Variants in VRK2 observed in about 807,000 individuals in gnomAD.
VRK2 encodes VRK serine/threonine kinase 2.
Under a neutral mutation model 57.6 loss-of-function variants are expected in VRK2, and 60 were observed. The observed-to-expected ratio is 1.04, with a 90% CI of 0.85 to 1.29. The LOEUF (loss-of-function observed/expected upper bound fraction) is 1.29. Ranked by LOEUF, VRK2 falls within the 50% of genes most tolerant of loss-of-function variation. VRK2 has a pLI of 0.00. For missense variants in VRK2, 705 were observed against 588.1 expected (o/e 1.20, Z -2.06); for synonymous variants, 231 against 199.2 (o/e 1.16, Z -1.35).
chr2:58,113,090 C>T (rs1675814233), intron 7 of VRK2, among the ~76,000 whole-genome samples: 1 of 152,134 alleles, frequency 6.6e-6, no homozygotes, highest in African/African-American at 2.4e-5. Flanking sequence ...GGAGGCAGAT[C>T]ATGAGGTCAG....
At position 57,941,792 on chromosome 2, in the gene VRK2, C is replaced by T. The variant is rs80056496; in HGVS notation, c.-439+33953C>T. Among the ~76,000 whole-genome samples the T allele has an allele frequency of 1.4e-4, 21 of 152,346 alleles. No individual in the cohort carries two copies. In the East Asian group the frequency reaches 4.0e-3, roughly 29 times the overall value. ...TGCATAGGCTGCCATAGACAATAAA[C>T]ATTTCATTAGTGACACTTGAAATGT... On this transcript the variant is annotated intron_variant, in intron 1 of 15. Coordinates refer to the VRK2 transcript ENST00000417641.
intron 2 of VRK2, among the ~76,000 whole-genome samples, chr2:58,066,145 A>C (rs1292556472): frequency 6.6e-6 from 1 of 152,176 alleles, no homozygotes; most frequent in Non-Finnish European, 1.5e-5. Context: ...GATTTATTGA[A>C]TAGAAATAGC....
At chr2:57,975,586 TC>T (rs1358624566) in intron 1 of VRK2, among the ~76,000 whole-genome samples, 3 of 151,896 alleles carry the variant, frequency 2.0e-5, no homozygotes, top group South Asian at 2.1e-4. Context: ...CTTCTACTGA[TC>T]CCGTCACCCA....
rs116612207 is a variant in VRK2 at position 57,960,479 on chromosome 2, C to T, written c.-439+52640C>T. Among the ~76,000 whole-genome samples, 875 of 152,294 alleles carry T rather than the reference C, an allele frequency of 5.7e-3. 8 individuals are homozygous for T. Among genetic ancestry groups the T allele is most frequent in the African/African-American group, 0.02 (822 of 41,550 alleles). On this transcript the variant is annotated intron_variant, in intron 1 of 15. Coordinates refer to the VRK2 transcript ENST00000417641. Reference sequence around the variant, plus strand: ...TTGTGGCCACATGAATGGTCTGGTGCATTCACTTAAATTGATTGTATCTAC... The same window carrying T: ...TTGTGGCCACATGAATGGTCTGGTGTATTCACTTAAATTGATTGTATCTAC...
chr2:58,055,530 A>G (rs538548354), intron 2 of VRK2, among the ~76,000 whole-genome samples: 1 of 151,264 alleles, frequency 6.6e-6, no homozygotes, highest in East Asian at 2.0e-4. Context: ...TGAAGTTTCC[A>G]ATGAGAGTTA....
intron 1 of VRK2, among the ~76,000 whole-genome samples, chr2:57,923,259 T>C (rs1202810454): frequency 6.6e-6 from 1 of 152,022 alleles, no homozygotes; most frequent in Non-Finnish European, 1.5e-5. Context: ...TGCTGGATCA[T>C]ATGGTAGCTC....
chr2:58,122,468 G>A (rs1460013603), intron 7 of VRK2, among the ~76,000 whole-genome samples: 1 of 152,094 alleles, frequency 6.6e-6, no homozygotes, highest in Non-Finnish European at 1.5e-5. Flanking sequence ...CTAAAGAAAA[G>A]AAAATGTTAA....
At chr2:57,946,051 C>G (rs1256649368) in intron 1 of VRK2, among the ~76,000 whole-genome samples, 2 of 152,074 alleles carry the variant, frequency 1.3e-5, no homozygotes, top group Non-Finnish European at 2.9e-5. Flanking sequence ...CGAGTATTAT[C>G]TATATATTTT....
At chr2:58,129,996 GAAGTA>G (rs746046290) in intron 8 of VRK2, among the ~76,000 whole-genome samples, 2 of 152,174 alleles carry the variant, frequency 1.3e-5, no homozygotes, top group Non-Finnish European at 2.9e-5. Context: ...CTATAATAGT[GAAGTA>G]AAGTTAACTC....
chr2:58,041,849 G>A (rs1340444473), upstream of VRK2, among the ~76,000 whole-genome samples: 2 of 152,098 alleles, frequency 1.3e-5, no homozygotes, highest in East Asian at 1.9e-4. Flanking sequence ...CCTTTCTGCT[G>A]ATTCCAGGTC....
intron 1 of VRK2, among the ~76,000 whole-genome samples, chr2:57,912,151 C>G (rs1670004213): frequency 1.3e-5 from 2 of 152,206 alleles, no homozygotes; most frequent in Non-Finnish European, 2.9e-5. Flanking sequence ...CAGCTAGATT[C>G]TAACTTCTCA....
At chr2:57,938,613 C>G (rs1485760461) in intron 1 of VRK2, among the ~76,000 whole-genome samples, 1 of 152,072 alleles carries the variant, frequency 6.6e-6, no homozygotes, top group East Asian at 1.9e-4. Context: ...CTTTTTACTA[C>G]TAACTTTCAT....
At chr2:58,122,817 C>A (rs1677719836) in intron 7 of VRK2, among the ~76,000 whole-genome samples, 1 of 152,078 alleles carries the variant, frequency 6.6e-6, no homozygotes, top group Non-Finnish European at 1.5e-5. Context: ...TTTATGATGT[C>A]TAGATGCCCA....
rs1476014561 is a variant in VRK2, at chr2:58,139,818, CCAAA to C, written c.1012_1015del (p.Asn338ValfsTer21). 4 of 1,610,614 alleles carry C rather than the reference CCAAA, an allele frequency of 2.5e-6. No homozygotes were observed. Among genetic ancestry groups the C allele is most frequent in the Non-Finnish European group, 3.4e-6 (4 of 1,178,346 alleles). On this transcript the variant is annotated frameshift_variant, in exon 11 of 13. Coordinates refer to ENST00000340157, the MANE Select transcript of VRK2 (RefSeq NM_006296.7). LOFTEE classifies it high-confidence loss of function. The stretch of plus-strand genomic sequence containing the variant: ...AGGACAGAGTATAAATGTCCATACT[CCAAA>C]CAGTCAAAAAGTAAGTAACATAATC...
intron 1 of VRK2, among the ~76,000 whole-genome samples, chr2:57,919,140 T>C (rs573178647): frequency 1.1e-4 from 16 of 152,168 alleles, no homozygotes; most frequent in Admixed American, 7.2e-4. Flanking sequence ...CATGGAATCA[T>C]TGGATAATGG....
At chr2:58,014,992 AT>A (rs1489879422) in intron 1 of VRK2, among the ~76,000 whole-genome samples, 2 of 152,252 alleles carry the variant, frequency 1.3e-5, no homozygotes, top group East Asian at 3.9e-4. Flanking sequence ...GACCCTGAGA[AT>A]TTTAAGATAA....
At chr2:58,088,935 C>CA (rs1672005158) in intron 6 of VRK2, among the ~76,000 whole-genome samples, 1 of 152,108 alleles carries the variant, frequency 6.6e-6, no homozygotes, top group Admixed American at 6.5e-5. Flanking sequence ...CTCAGGCACA[C>CA]ATTTGTTTAT....
At chr2:58,137,166 CAT>C (rs1229582214) in intron 10 of VRK2, among the ~76,000 whole-genome samples, 1 of 7,298 alleles carries the variant, frequency 1.4e-4, no homozygotes, top group Non-Finnish European at 1.4e-3. Flanking sequence ...TTATATATAT[CAT>C]ATATCATATA....
chr2:58,105,475 G>T (rs1029010728), intron 7 of VRK2, among the ~76,000 whole-genome samples: 1 of 151,868 alleles, frequency 6.6e-6, no homozygotes. Flanking sequence ...TCAGAGAAAT[G>T]CAAATTAAAA....
Sources: allele counts gnomAD v4.1 joint callset (sites outside exome capture counted in the v4.1 genomes callset), GRCh38; gene constraint gnomAD v4.1.1; transcripts MANE v1.5; gene names NCBI Gene and HGNC (gene_info 2026-07-23, HGNC 2026-07-21).